NR6A1: variants seen among roughly 807,000 people sequenced by gnomAD.
NR6A1 encodes retinoic acid receptor-related testis-associated receptor.
In NR6A1, 7 loss-of-function variants were observed where a neutral mutation model predicts 59.1. The observed-to-expected ratio is 0.12, with a 90% CI of 0.07 to 0.22. The LOEUF is 0.22. NR6A1 is among the 10% of genes least tolerant of loss of function. The pLI is 1.00. For synonymous variants in NR6A1, 243 were observed against 236.1 expected (o/e 1.03, Z -0.27); for missense variants, 468 against 611.6 (o/e 0.77, Z 2.48).
At position 124,535,782 on chromosome 9, in the gene NR6A1, G is replaced by C. The variant is rs561793737; in HGVS notation, c.1079+96C>G. 1.5e-4 allele frequency: 220 copies of C among 1,451,474 alleles called. 2 individuals are homozygous for C. The African/African-American group carries it at 2.5e-3, about 17-fold the overall frequency. The allele number at this position is 1,451,474 out of a possible 1,614,324, so 89.9% of individuals were successfully genotyped here. ...GGATTCAAATCCAGGCCTATGAGGT[G>C]TAGTGCCTATCCTCTGAAGGGCCAG... On this transcript the variant is annotated intron_variant, in intron 7 of 9. Coordinates refer to ENST00000487099, the MANE Select transcript of NR6A1 (RefSeq NM_033334.4).
intron 2 of NR6A1, among the ~76,000 whole-genome samples, chr9:124,660,407 C>T (rs1248263722): frequency 2.6e-5 from 4 of 152,112 alleles, no homozygotes; most frequent in South Asian, 2.1e-4. Flanking sequence ...GCCTTCATGC[C>T]GAGCAGACGT....
chr9:124,693,258 T>G (rs915717190), intron 2 of NR6A1, among the ~76,000 whole-genome samples: 1 of 152,296 alleles, frequency 6.6e-6, no homozygotes, highest in African/African-American at 2.4e-5. Context: ...CATGGAGTTT[T>G]GAGACTCAAT....
chr9:124,682,623 A>C (rs1838202551), intron 2 of NR6A1, among the ~76,000 whole-genome samples: 1 of 152,214 alleles, frequency 6.6e-6, no homozygotes, highest in Non-Finnish European at 1.5e-5. Context: ...ATAATGGTTT[A>C]TCATTTTTAT....
At chr9:124,659,834 T>G (rs1432375705) in intron 2 of NR6A1, among the ~76,000 whole-genome samples, 2 of 152,246 alleles carry the variant, frequency 1.3e-5, no homozygotes, top group East Asian at 3.8e-4. Context: ...GTTCCAAATC[T>G]AATTTTTAAA....
At chr9:124,528,280 G>T (rs1436371505) in intron 7 of NR6A1, among the ~76,000 whole-genome samples, 2 of 152,278 alleles carry the variant, frequency 1.3e-5, no homozygotes, top group Middle Eastern at 3.4e-3. Flanking sequence ...GTACCAAGGG[G>T]AGCCTCAGCA....
chr9:124,621,647 T>C (rs1342985504), intron 2 of NR6A1, among the ~76,000 whole-genome samples: 2 of 151,706 alleles, frequency 1.3e-5, no homozygotes, highest in Non-Finnish European at 2.9e-5. Context: ...GAGTAAGACC[T>C]TGTCTCAAAA....
At chr9:124,744,939 T>G (rs1840282348) in intron 1 of NR6A1, among the ~76,000 whole-genome samples, 1 of 152,188 alleles carries the variant, frequency 6.6e-6, no homozygotes, top group Non-Finnish European at 1.5e-5. Context: ...AATGTACCTT[T>G]TTCCTTATTT....
Position 124,518,470 on chromosome 9 carries a change from G to A in NR6A1, c.*4235C>T, listed in dbSNP as rs1832733258. 2 of 152,018 alleles carry A rather than the reference G, an allele frequency of 1.3e-5. No individual in the cohort carries two copies. The highest frequency in any genetic ancestry group is 1.3e-4 in the Admixed American group (2 of 15,252). 9.4% of individuals were successfully genotyped at this position (152,018 alleles called of 1,614,324 possible). The stretch of plus-strand genomic sequence containing the variant: ...GGCAGCCTAGAGAGGAGTTTCTGGG[G>A]ATCCTGTAATTAAATACACATCCCT... On this transcript the variant is annotated 3_prime_UTR_variant, in exon 10 of 10. Coordinates refer to ENST00000487099, the MANE Select transcript of NR6A1 (RefSeq NM_033334.4).
intron 2 of NR6A1, among the ~76,000 whole-genome samples, chr9:124,587,888 C>A (rs1456604498): frequency 6.6e-6 from 1 of 152,198 alleles, no homozygotes; most frequent in African/African-American, 2.4e-5. Flanking sequence ...TCCCTACCAA[C>A]AGTCTCACTT....
At chr9:124,597,071 T>A (rs1322859631) in intron 2 of NR6A1, among the ~76,000 whole-genome samples, 1 of 152,354 alleles carries the variant, frequency 6.6e-6, no homozygotes. Context: ...AGCAGCCATA[T>A]AACTGAATGG....
At position 124,771,034 on chromosome 9, in the gene NR6A1, G is replaced by T; in HGVS notation, c.86C>A (p.Pro29Gln). ...CCCTCACCCACCGTTGCGCGGCGGCGGAGGGAGCGCGGCGGGAGGCTCCAG... is the reference window on the plus strand; with the variant it reads ...CCCTCACCCACCGTTGCGCGGCGGCTGAGGGAGCGCGGCGGGAGGCTCCAG... ...GFLEPPAALPPPPRNGFCQDE... is the reference protein window; with the variant it reads ...GFLEPPAALPQPPRNGFCQDE... Residue 29 changes from proline (P) to glutamine (Q), a missense_variant, in exon 1 of 10, where the codon CCG becomes CAG. Pro to Gln is a moderately conservative substitution (Grantham distance 76). Transcript: ENST00000487099. The T allele has an allele frequency of 8.1e-7, 1 of 1,229,924 alleles. No homozygotes were observed. The highest frequency in any genetic ancestry group is 1.0e-6 in the Non-Finnish European group (1 of 986,562). 76.2% of individuals were successfully genotyped at this position (1,229,924 alleles called of 1,614,324 possible). A position where few individuals can be genotyped will look rare whatever the true frequency, so the allele number is the denominator to read the frequency against.
intron 2 of NR6A1, among the ~76,000 whole-genome samples, chr9:124,569,740 C>T (rs1442858769): frequency 2.0e-5 from 3 of 152,160 alleles, no homozygotes; most frequent in Admixed American, 1.3e-4. Context: ...ATTTCATTTG[C>T]AAACACAGAA....
At chr9:124,651,825 T>C (rs1837112986) in intron 2 of NR6A1, among the ~76,000 whole-genome samples, 1 of 152,134 alleles carries the variant, frequency 6.6e-6, no homozygotes, top group Non-Finnish European at 1.5e-5. Context: ...CATAGAGTAA[T>C]AGTTTAAGAT....
chr9:124,584,408 T>C (rs60305897), intron 2 of NR6A1, among the ~76,000 whole-genome samples: 2,494 of 152,178 alleles, frequency 0.016, 75 homozygotes, highest in East Asian at 0.15. Flanking sequence ...CCAGCCACTT[T>C]ATTGCATTTT....
At chr9:124,616,390 G>C (rs1444569623) in intron 2 of NR6A1, among the ~76,000 whole-genome samples, 1 of 144,488 alleles carries the variant, frequency 6.9e-6, no homozygotes, top group Admixed American at 6.8e-5. Flanking sequence ...GCGACAAAGC[G>C]GGACTCCATC....
chr9:124,679,392 T>C (rs990296202), intron 2 of NR6A1, among the ~76,000 whole-genome samples: 10 of 152,190 alleles, frequency 6.6e-5, no homozygotes, highest in Non-Finnish European at 2.9e-5. Context: ...GCTAGACCTG[T>C]ACAACTTTTT....
intron 1 of NR6A1, among the ~76,000 whole-genome samples, chr9:124,735,569 T>C (rs1839999232): frequency 6.6e-6 from 1 of 152,194 alleles, no homozygotes; most frequent in Non-Finnish European, 1.5e-5. Context: ...GAATAGTGTG[T>C]GTAAAGTCTA....
At position 124,771,135 on chromosome 9, in the gene NR6A1, G is replaced by T. The variant is rs974374962; in HGVS notation, c.-16C>A. 5.8e-6 allele frequency: 7 copies of T among 1,213,996 alleles called. No homozygotes were observed. In the East Asian group the frequency reaches 2.2e-4, roughly 39 times the overall value. The allele number at this position is 1,213,996 out of a possible 1,614,324, so 75.2% of individuals were successfully genotyped here. Reference sequence around the variant, plus strand: ...CCCGCTCCATGCGGTGGTGCCTAGGGTCCGCGCCGGGTTTGTTGCTCCGCC... The same window carrying T: ...CCCGCTCCATGCGGTGGTGCCTAGGTTCCGCGCCGGGTTTGTTGCTCCGCC... On this transcript the variant is annotated 5_prime_UTR_variant, in exon 1 of 10. Coordinates refer to ENST00000487099, the MANE Select transcript of NR6A1 (RefSeq NM_033334.4).
chr9:124,572,315 C>A (rs1834459801), intron 2 of NR6A1, among the ~76,000 whole-genome samples: 1 of 152,232 alleles, frequency 6.6e-6, no homozygotes. Flanking sequence ...TGCCTCAAGG[C>A]TCCAATAATG....
Sources: allele counts gnomAD v4.1 joint callset (sites outside exome capture counted in the v4.1 genomes callset), GRCh38; gene constraint gnomAD v4.1.1; transcripts MANE v1.5; gene names NCBI Gene and HGNC (gene_info 2026-07-23, HGNC 2026-07-21).